Variants in BPGM observed in about 807,000 individuals in gnomAD.
The protein encoded by BPGM is bisphosphoglycerate mutase.
A neutral mutation model predicts 21.6 loss-of-function variants in BPGM; 15 were observed. That is an observed-to-expected ratio of 0.70 (90% CI 0.47 to 1.07). The LOEUF is 1.07. Among genes scored for constraint, BPGM ranks in the 50% least tolerant of loss-of-function variants. The pLI, the probability that BPGM is intolerant of heterozygous loss-of-function variation, is 0.00. For missense variants in BPGM, 273 were observed against 319.0 expected, an observed-to-expected ratio of 0.86 and a Z score of 1.10; for synonymous variants, 113 against 116.2, an observed-to-expected ratio of 0.97 and a Z score of 0.18.
intron 1 of BPGM, among the ~76,000 whole-genome samples, chr7:134,654,149 CTGAAGA>C (rs79863039): frequency 0.58 from 88,075 of 151,340 alleles, 26,579 homozygotes; most frequent in East Asian, 0.89. Flanking sequence ...CACACACGTA[CTGAAGA>C]TGAAGACATA....
At chr7:134,658,892 A>AT (rs1554411129) in intron 1 of BPGM, among the ~76,000 whole-genome samples, 46 of 143,898 alleles carry the variant, frequency 3.2e-4, no homozygotes, top group Non-Finnish European at 5.6e-4. Context: ...GTGTGTGTGT[A>AT]TTTTTTTTTT....
At chr7:134,655,999 C>A (rs1490185752) in intron 1 of BPGM, among the ~76,000 whole-genome samples, 1 of 152,174 alleles carries the variant, frequency 6.6e-6, no homozygotes, top group African/African-American at 2.4e-5. Context: ...GCCTGACCTA[C>A]TTCCCAATGG....
At chr7:134,673,276 GTAAT>G (rs1349111627) in intron 2 of BPGM, among the ~76,000 whole-genome samples, 5 of 152,194 alleles carry the variant, frequency 3.3e-5, no homozygotes, top group African/African-American at 9.7e-5. Context: ...ATATTTGTAA[GTAAT>G]TAGTCTGCTG....
At chr7:134,675,442 G>T (rs959807206) in intron 2 of BPGM, among the ~76,000 whole-genome samples, 1 of 151,962 alleles carries the variant, frequency 6.6e-6, no homozygotes, top group Non-Finnish European at 1.5e-5. Context: ...TATGAGTCAG[G>T]GGTCCAACTT....
chr7:134,663,368 ATG>A (rs146657759), intron 2 of BPGM, among the ~76,000 whole-genome samples: 43 of 151,132 alleles, frequency 2.8e-4, no homozygotes, highest in African/African-American at 5.1e-4. Context: ...GGCACTTGAT[ATG>A]TGTGTGTGTG....
intron 2 of BPGM, among the ~76,000 whole-genome samples, chr7:134,668,891 A>AAC (rs10624070): frequency 0.56 from 84,454 of 151,840 alleles, 24,416 homozygotes; most frequent in East Asian, 0.77. Context: ...ATCGGGAAAT[A>AAC]ACAGATTGGT....
At chr7:134,663,162 C>G (rs575713595) in intron 2 of BPGM, among the ~76,000 whole-genome samples, 1 of 152,290 alleles carries the variant, frequency 6.6e-6, no homozygotes, top group South Asian at 2.1e-4. Flanking sequence ...AATAAAAAGG[C>G]TGACCTTGTA....
intron 1 of BPGM, among the ~76,000 whole-genome samples, chr7:134,659,405 G>A (rs1474813021): frequency 1.4e-5 from 2 of 140,866 alleles, no homozygotes; most frequent in African/African-American, 5.3e-5. Context: ...GTGTGTGTGT[G>A]TGTGTGTTCA....
In BPGM at chr7:134,678,866, A is replaced by AG. The variant is rs769668444; in HGVS notation, c.616dup (p.Asp206GlyfsTer19). 16 of 1,613,748 alleles carry AG rather than the reference A, an allele frequency of 9.9e-6. No individual in the cohort carries two copies. The highest frequency in any genetic ancestry group is 1.4e-5 in the Non-Finnish European group (16 of 1,179,748). ...CCTGATCAACAGGTATCTCAGATGAAGACATCATCAACATTACTCTTCCTA... is the reference window on the plus strand; with the variant it reads ...CCTGATCAACAGGTATCTCAGATGAAGGACATCATCAACATTACTCTTCCTA... On this transcript the variant is annotated frameshift_variant, in exon 3 of 3. Transcript: ENST00000344924. LOFTEE classifies it high-confidence loss of function.
At chr7:134,670,909 T>C (rs1795893684) in intron 2 of BPGM, among the ~76,000 whole-genome samples, 1 of 152,230 alleles carries the variant, frequency 6.6e-6, no homozygotes, top group East Asian at 1.9e-4. Flanking sequence ...CCATCTCTTC[T>C]GGTTTTCTAA....
intron 1 of BPGM, among the ~76,000 whole-genome samples, chr7:134,647,445 C>A (rs1276735063): frequency 6.6e-6 from 1 of 152,088 alleles, no homozygotes; most frequent in Non-Finnish European, 1.5e-5. Flanking sequence ...GAATCTGGAG[C>A]CAAATCACAA....
Position 134,661,136 on chromosome 7 carries a change from C to A in BPGM, c.-61-311C>A, listed in dbSNP as rs1795723318. On this transcript the variant is annotated intron_variant, in intron 1 of 2. Coordinates refer to ENST00000344924, the MANE Select transcript of BPGM (RefSeq NM_001724.5). The surrounding 1 kb of genome is among the most constrained non-coding windows in gnomAD (Gnocchi z 4.6). Reference sequence around the variant, plus strand: ...AACTCATTCTATTAAATCCTTTCTACTGTAAGCATAAATTGCCTTTGTATC... The same window carrying A: ...AACTCATTCTATTAAATCCTTTCTAATGTAAGCATAAATTGCCTTTGTATC... 8.7e-6 allele frequency among the ~76,000 whole-genome samples: 1 copy of A among 115,230 alleles called. No homozygotes were observed. The highest frequency in any genetic ancestry group is 1.8e-5 in the Non-Finnish European group (1 of 54,216). 75.6% of individuals were successfully genotyped at this position (115,230 alleles called of 152,430 possible).
Position 134,661,922 on chromosome 7 carries a change from G to C in BPGM, c.415G>C (p.Asp139His). Residue 139 changes from aspartate (D) to histidine (H), a missense_variant, in exon 2 of 3, where the codon GAC (aspartate) becomes CAC (histidine). Asp to His is a moderately conservative substitution (Grantham distance 81, BLOSUM62 -1). Transcript: ENST00000344924. This position sits in a 1 kb window ranked among gnomAD's most constrained non-coding sequence, Gnocchi z 4.6. ...SHPYYQEIYN[D>H]RRYKVCDVPL... ...TCCTTACTACCAAGAAATCTACAAC[G>C]ACCGGAGGTATAAAGTATGCGATGT... 1.2e-6 allele frequency: 2 copies of C among 1,613,260 alleles called. No individual in the cohort carries two copies. The highest frequency in any genetic ancestry group is 1.7e-6 in the Non-Finnish European group (2 of 1,179,316).
At chr7:134,669,454 A>C (rs865977921) in intron 2 of BPGM, among the ~76,000 whole-genome samples, 1 of 151,978 alleles carries the variant, frequency 6.6e-6, no homozygotes, top group Non-Finnish European at 1.5e-5. Context: ...TTTAGCCTTA[A>C]TTGGGCCTTC....
rs370703499 is a variant in BPGM at position 134,661,936 on chromosome 7, A to G, written c.429A>G (p.Lys143=). 6.2e-7 allele frequency: 1 copy of G among 1,614,094 alleles called. No individual in the cohort carries two copies. The highest frequency in any genetic ancestry group is 8.5e-7 in the Non-Finnish European group (1 of 1,179,976). The change falls in exon 2 of 3, where the codon AAA becomes AAG. Residue 143 remains lysine (K), a synonymous_variant. Coordinates refer to ENST00000344924, the MANE Select transcript of BPGM (RefSeq NM_001724.5). The surrounding 1 kb of genome is among the most constrained non-coding windows in gnomAD (Gnocchi z 4.6). The stretch of plus-strand genomic sequence containing the variant: ...AAATCTACAACGACCGGAGGTATAA[A>G]GTATGCGATGTGCCCTTGGATCAAC... ...YQEIYNDRRY[K]VCDVPLDQLP... is the part of the protein sequence containing the mutation.
intron 2 of BPGM, among the ~76,000 whole-genome samples, chr7:134,662,550 AAATGG>A (rs1247667398): frequency 6.6e-6 from 1 of 152,236 alleles, no homozygotes; most frequent in African/African-American, 2.4e-5. Flanking sequence ...GGAATTGTTG[AAATGG>A]CCTTGAAAGT....
In BPGM at chr7:134,662,043, G is replaced by A. The variant is rs201505421; in HGVS notation, c.536G>A (p.Arg179His). 11 of 1,614,154 alleles carry A rather than the reference G, an allele frequency of 6.8e-6. No individual in the cohort carries two copies. The Admixed American group carries it at 1.0e-4, about 15-fold the overall frequency. ...WNERIAPEVL[R>H]GKTILISAHG... The stretch of plus-strand genomic sequence containing the variant: ...GAAAGGATTGCTCCCGAAGTATTAC[G>A]TGGCAAAACCATTCTGATATCTGCT... Residue 179 changes from arginine (R) to histidine (H), a missense_variant, in exon 2 of 3, where the codon CGT (arginine) becomes CAT (histidine). Arg to His is a conservative substitution (Grantham distance 29). Coordinates refer to ENST00000344924, the MANE Select transcript of BPGM (RefSeq NM_001724.5).
intron 2 of BPGM, among the ~76,000 whole-genome samples, chr7:134,673,791 C>T (rs1233877876): frequency 6.6e-6 from 1 of 152,072 alleles, no homozygotes; most frequent in Non-Finnish European, 1.5e-5. Context: ...GATAAGTCAC[C>T]TGACCAGGGT....
chr7:134,669,714 A>G (rs941805687), intron 2 of BPGM, among the ~76,000 whole-genome samples: 2 of 152,194 alleles, frequency 1.3e-5, no homozygotes, highest in African/African-American at 4.8e-5. Flanking sequence ...CATAAATCAT[A>G]TATGCTTTTG....
Sources: allele counts gnomAD v4.1 joint callset (sites outside exome capture counted in the v4.1 genomes callset), GRCh38; gene constraint gnomAD v4.1.1; non-coding constraint Gnocchi (gnomAD v3.1); transcripts MANE v1.5; gene names NCBI Gene and HGNC (gene_info 2026-07-23, HGNC 2026-07-21).